Variants in CTNNA3 observed in about 807,000 individuals in gnomAD.
The protein encoded by CTNNA3 is catenin alpha-3.
A neutral mutation model predicts 95.7 loss-of-function variants in CTNNA3; 76 were observed. The ratio of observed to expected loss-of-function variants is 0.79; its 90% CI spans 0.66 to 0.96. CTNNA3 has a LOEUF of 0.96. CTNNA3 is among the 40% of genes least tolerant of loss of function. The pLI is 0.00. For synonymous variants in CTNNA3, 431 were observed against 374.4 expected (o/e 1.15, Z -1.74); for missense variants, 1,191 against 1,089.8 (o/e 1.09, Z -1.31).
In CTNNA3 at chr10:67,722,662, C is replaced by G. The variant is rs186173998; in HGVS notation, c.-2+40772G>C. On this transcript the variant is annotated intron_variant, in intron 1 of 17. Coordinates refer to the CTNNA3 transcript ENST00000684154. The stretch of plus-strand genomic sequence containing the variant: ...AGAAGCACTAACGCCTCCAGAAATG[C>G]TATCTGAAAGAAATTTGAAAGCAGT... Among the ~76,000 whole-genome samples the G allele has an allele frequency of 3.3e-5, 5 of 152,208 alleles. No individual in the cohort carries two copies. The East Asian group carries it at 9.7e-4, about 29-fold the overall frequency.
chr10:67,300,635 T>C (rs1287197116), intron 5 of CTNNA3, among the ~76,000 whole-genome samples: 5 of 152,332 alleles, frequency 3.3e-5, no homozygotes, highest in Non-Finnish European at 7.3e-5. Flanking sequence ...TCAATTAATA[T>C]ATTCATAGAC....
intron 7 of CTNNA3, among the ~76,000 whole-genome samples, chr10:67,083,194 G>A (rs930446582): frequency 6.6e-6 from 1 of 151,580 alleles, no homozygotes; most frequent in African/African-American, 2.4e-5. Flanking sequence ...TCCTTTATTC[G>A]AAACCACATT....
In CTNNA3 at chr10:66,094,672, C is replaced by A. The variant is rs116517863; in HGVS notation, c.1977+8485G>T. Among the ~76,000 whole-genome samples, 660 of 152,216 alleles carry A rather than the reference C, an allele frequency of 4.3e-3. 5 individuals are homozygous for A. Among genetic ancestry groups the A allele is most frequent in the African/African-American group, 0.015 (638 of 41,560 alleles). Reference sequence around the variant, plus strand: ...GATTTCTTTGGTTAAAGGCAATTAGCAAATTTGATGGACTATAATCCCTCT... The same window carrying A: ...GATTTCTTTGGTTAAAGGCAATTAGAAAATTTGATGGACTATAATCCCTCT... On this transcript the variant is annotated intron_variant, in intron 14 of 17. Coordinates refer to ENST00000433211, the MANE Select transcript of CTNNA3 (RefSeq NM_013266.4).
At chr10:67,303,111 G>C (rs1255592002) in intron 5 of CTNNA3, among the ~76,000 whole-genome samples, 1 of 152,142 alleles carries the variant, frequency 6.6e-6, no homozygotes, top group African/African-American at 2.4e-5. Flanking sequence ...CAATGTTTGA[G>C]AACCACTGAC....
Position 65,916,265 on chromosome 10 carries a change from G to GA in CTNNA3, c.*4064dup, listed in dbSNP as rs1320268762. The GA allele has an allele frequency of 1.3e-5, 2 of 151,932 alleles. No individual in the cohort carries two copies. The highest frequency in any genetic ancestry group is 2.9e-5 in the Non-Finnish European group (2 of 67,988). 9.4% of individuals were successfully genotyped at this position (151,932 alleles called of 1,614,324 possible). A position where few individuals can be genotyped will look rare whatever the true frequency, so the allele number is the denominator to read the frequency against. On this transcript the variant is annotated 3_prime_UTR_variant, in exon 18 of 18. Coordinates refer to ENST00000433211, the MANE Select transcript of CTNNA3 (RefSeq NM_013266.4). Reference sequence around the variant, plus strand: ...TGAAATATTTCTGGCTTTACAAACAGAAAAAATGAATATTTGATTCCTAAA... The same window carrying GA: ...TGAAATATTTCTGGCTTTACAAACAGAAAAAAATGAATATTTGATTCCTAAA...
intron 5 of CTNNA3, among the ~76,000 whole-genome samples, chr10:67,439,796 T>C (rs968464926): frequency 6.6e-6 from 1 of 151,898 alleles, no homozygotes; most frequent in Admixed American, 6.6e-5. Flanking sequence ...ATCATCTGAC[T>C]AAGGAGCCCT....
intron 13 of CTNNA3, among the ~76,000 whole-genome samples, chr10:66,268,787 C>T (rs779230470): frequency 6.6e-6 from 1 of 152,170 alleles, no homozygotes; most frequent in Non-Finnish European, 1.5e-5. Context: ...AAGTACATTG[C>T]ATTGAGGTCT....
At chr10:66,296,572 T>TAC (rs71035121) in intron 12 of CTNNA3, among the ~76,000 whole-genome samples, 56,526 of 149,834 alleles carry the variant, frequency 0.38, 10,772 homozygotes, top group African/African-American at 0.43. Flanking sequence ...TGTATATATA[T>TAC]ACACACACAC....
At chr10:66,325,362 C>T (rs545873856) in intron 12 of CTNNA3, among the ~76,000 whole-genome samples, 2 of 152,154 alleles carry the variant, frequency 1.3e-5, no homozygotes, top group East Asian at 3.9e-4. Context: ...AACTAGCAAA[C>T]AAGAGTCAAG....
intron 7 of CTNNA3, among the ~76,000 whole-genome samples, chr10:67,149,743 A>C (rs1861010746): frequency 6.6e-6 from 1 of 152,172 alleles, no homozygotes; most frequent in Non-Finnish European, 1.5e-5. Context: ...AATAAATAAA[A>C]GTATATAAAA....
intron 7 of CTNNA3, among the ~76,000 whole-genome samples, chr10:67,053,049 C>T (rs903732208): frequency 1.3e-5 from 2 of 152,128 alleles, no homozygotes; most frequent in African/African-American, 4.8e-5. Context: ...GTCTATAACA[C>T]ATACAAAAGC....
chr10:65,928,211 T>C lies in CTNNA3; in HGVS notation c.2401-7594A>G, dbSNP rs74842237. On this transcript the variant is annotated intron_variant, in intron 17 of 17. Transcript: ENST00000433211. ...TAATGTGCAGTACATTTTTTTCATA[T>C]ACAGATATTGTTCAAGCATCATTTA... Among the ~76,000 whole-genome samples the C allele has an allele frequency of 9.9e-3, 1,514 of 152,310 alleles. 32 individuals carry two copies. Among genetic ancestry groups the C allele is most frequent in the African/African-American group, 0.034 (1,410 of 41,584 alleles).
At chr10:67,419,980 TA>T (rs1183961568) in intron 5 of CTNNA3, among the ~76,000 whole-genome samples, 1 of 152,144 alleles carries the variant, frequency 6.6e-6, no homozygotes, top group Non-Finnish European at 1.5e-5. Context: ...GCCACCTGAG[TA>T]GCTGGGACTA....
intron 9 of CTNNA3, among the ~76,000 whole-genome samples, chr10:66,669,767 C>A (rs1327145346): frequency 1.3e-5 from 2 of 152,000 alleles, no homozygotes; most frequent in Non-Finnish European, 2.9e-5. Context: ...TTGATAAAAT[C>A]TATTGAGGAG....
chr10:67,013,909 G>A (rs746384026), intron 7 of CTNNA3, among the ~76,000 whole-genome samples: 58 of 152,168 alleles, frequency 3.8e-4, no homozygotes, highest in Non-Finnish European at 6.8e-4. Flanking sequence ...TGTGCCATTT[G>A]GGGTGTGAAA....
chr10:66,993,694 GAA>G (rs58941459), intron 7 of CTNNA3, among the ~76,000 whole-genome samples: 51,784 of 142,108 alleles, frequency 0.36, 9,491 homozygotes, highest in East Asian at 0.49. Flanking sequence ...ATACATAAAT[GAA>G]AAAAAAAAAA....
chr10:66,447,862 A>G (rs1434212638), intron 11 of CTNNA3, among the ~76,000 whole-genome samples: 1 of 152,178 alleles, frequency 6.6e-6, no homozygotes, highest in African/African-American at 2.4e-5. Flanking sequence ...TGCACAGCAA[A>G]AGAAGCTACC....
rs969238036 is a variant in CTNNA3 at position 67,750,296 on chromosome 10, G to A, written c.-2+13138C>T. ...TTCTGCACCAACCATGGCCATCTTT[G>A]TGGAGCTCAATACCAAAGCCAAGAT... On this transcript the variant is annotated intron_variant, in intron 1 of 17. Coordinates refer to the CTNNA3 transcript ENST00000684154. The A allele has an allele frequency of 1.4e-5, 21 of 1,522,882 alleles. No homozygotes were observed. The African/African-American group carries it at 2.9e-4, about 21-fold the overall frequency. The allele number at this position is 1,522,882 out of a possible 1,614,324, so 94.3% of individuals were successfully genotyped here. A position where few individuals can be genotyped will look rare whatever the true frequency, so the allele number is the denominator to read the frequency against.
intron 17 of CTNNA3, among the ~76,000 whole-genome samples, chr10:65,953,956 A>G (rs2077676357): frequency 6.6e-6 from 1 of 152,132 alleles, no homozygotes; most frequent in Non-Finnish European, 1.5e-5. Context: ...TTGAGGAATC[A>G]CCACACTGTC....
Sources: gnomAD v4.1 joint callset for allele counts (sites outside exome capture counted in the v4.1 genomes callset) on GRCh38, gnomAD v4.1.1 for gene constraint, MANE v1.5 for transcripts, NCBI Gene and HGNC (gene_info 2026-07-23, HGNC 2026-07-21) for gene names.